Variants in CLCN2 observed in about 807,000 individuals in gnomAD.
CLCN2 encodes the protein chloride voltage-gated channel 2.
CLCN2 carries 72 observed loss-of-function variants against 108.3 expected under a neutral mutation model. The observed-to-expected ratio is 0.66, with a 90% CI of 0.55 to 0.81. The LOEUF (loss-of-function observed/expected upper bound fraction) is 0.81. Ranked by LOEUF, CLCN2 falls within the 30% of genes least tolerant of loss-of-function variation. CLCN2 has a pLI of 0.00. For synonymous variants in CLCN2, 471 were observed against 467.1 expected, an observed-to-expected ratio of 1.01 and a Z score of -0.11; for missense variants, 1,048 against 1,205.2, an observed-to-expected ratio of 0.87 and a Z score of 1.93.
At position 184,347,034 on chromosome 3, in the gene CLCN2, G is replaced by A. The variant is rs1293391157; in HGVS notation, c.2416-13C>T. 1.2e-6 allele frequency: 2 copies of A among 1,609,276 alleles called. No individual in the cohort carries two copies. The highest frequency in any genetic ancestry group is 2.7e-5 in the African/African-American group (2 of 74,786). On this transcript the variant is annotated splice_polypyrimidine_tract_variant and intron_variant, in intron 22 of 23. Coordinates refer to ENST00000265593, the MANE Select transcript of CLCN2 (RefSeq NM_004366.6). ...AGATAGTGTGAGTCTGCAGTGTGGG[G>A]AGAAAAGCGATTGGACTTGATGGAC...
Position 184,357,274 on chromosome 3 carries a change from G to T in CLCN2, c.899-8C>A. 2 of 1,614,006 alleles carry T rather than the reference G, an allele frequency of 1.2e-6. No individual in the cohort carries two copies. Among genetic ancestry groups the T allele is most frequent in the Non-Finnish European group, 1.7e-6 (2 of 1,179,982 alleles). ...AGAGGGCTGTAATAGTCTCTAAAGG[G>T]AAGAACAGCAGAGGGAGGCAGGCCT... On this transcript the variant is annotated splice_region_variant and splice_polypyrimidine_tract_variant and intron_variant, in intron 8 of 23. Coordinates refer to ENST00000265593, the MANE Select transcript of CLCN2 (RefSeq NM_004366.6).
At chr3:184,352,961 G>A in intron 18 of CLCN2, 72 bp downstream of exon 18, 1 of 1,532,214 alleles carries the variant, frequency 6.5e-7, no homozygotes, top group Non-Finnish European at 9.0e-7. Context: ...CCAGCAACAG[G>A]GCTGGGCAGG....
Position 184,358,997 on chromosome 3 carries a change from C to A in CLCN2, c.198G>T (p.Arg66=), listed in dbSNP as rs752368596. The A allele has an allele frequency of 1.9e-6, 3 of 1,613,628 alleles. No homozygotes were observed. The highest frequency in any genetic ancestry group is 2.5e-6 in the Non-Finnish European group (3 of 1,180,038). ...CACCGCGGCATCGGGCGCAACGGCT[C>A]CGTCCATATTCCAAGAGCTCTGGGG... ...RAAPELLEYG[R]SRCARCRVCS... The change falls in exon 2 of 24, where the codon CGG becomes CGT. Residue 66 remains arginine, a synonymous_variant. Transcript: ENST00000265593.
Position 184,355,847 on chromosome 3 carries a change from G to T in CLCN2, c.1086-69C>A. On this transcript the variant is annotated intron_variant, in intron 10 of 23. Transcript: ENST00000265593. The surrounding 1 kb of genome is among the most constrained non-coding windows in gnomAD (Gnocchi z 6.3). ...GGGTGGCCTCGCATATCTCAGGGCT[G>T]AGGTCAGAGCAGAGCCTTGGCTCTT... The T allele has an allele frequency of 7.9e-7, 1 of 1,260,858 alleles. No individual in the cohort carries two copies. Among genetic ancestry groups the T allele is most frequent in the Non-Finnish European group, 1.2e-6 (1 of 867,876 alleles). The allele number at this position is 1,260,858 out of a possible 1,614,324, so 78.1% of individuals were successfully genotyped here.
chr3:184,354,664 G>A lies in CLCN2; in HGVS notation c.1397-6C>T, dbSNP rs767026496. The A allele has an allele frequency of 1.3e-6, 2 of 1,514,740 alleles. No individual in the cohort carries two copies. The highest frequency in any genetic ancestry group is 8.9e-7 in the Non-Finnish European group (1 of 1,117,976). The allele number at this position is 1,514,740 out of a possible 1,614,324, so 93.8% of individuals were successfully genotyped here. On this transcript the variant is annotated splice_polypyrimidine_tract_variant and splice_region_variant and intron_variant, in intron 13 of 23. Coordinates refer to ENST00000265593, the MANE Select transcript of CLCN2 (RefSeq NM_004366.6). ...CAGACGCCCAAATGCTGCTCCTTCA[G>A]GGAGGGGGGTGGGAAGAGAAAGAGG...
intron 3 of CLCN2, 121 bp downstream of exon 3, chr3:184,358,561 C>T: frequency 7.3e-7 from 1 of 1,375,682 alleles, no homozygotes. Context: ...GGCAGTCAGA[C>T]TGGCTGGGGA....
At chr3:184,360,830 A>C (rs1198089839) in intron 1 of CLCN2, among the ~76,000 whole-genome samples, 3 of 152,148 alleles carry the variant, frequency 2.0e-5, no homozygotes, top group Admixed American at 2.0e-4. Context: ...CCCAATTCCC[A>C]CACCCATTCC....
In CLCN2 at chr3:184,361,286, C is replaced by G. The variant is rs1038675552; in HGVS notation, c.63+131G>C. 4 of 1,023,944 alleles carry G rather than the reference C, an allele frequency of 3.9e-6. No individual in the cohort carries two copies. Among genetic ancestry groups the G allele is most frequent in the Non-Finnish European group, 6.1e-6 (4 of 658,988 alleles). 63.4% of individuals were successfully genotyped at this position (1,023,944 alleles called of 1,614,324 possible). On this transcript the variant is annotated intron_variant, in intron 1 of 23. Transcript: ENST00000265593. This position sits in a 1 kb window ranked among gnomAD's most constrained non-coding sequence, Gnocchi z 6.6. ...CTTCGGCCCTGCAGCCTCAGACTTC[C>G]AAGCCTCAGTTTCCCCAGCTCAAAA...
Position 184,357,618 on chromosome 3 carries a change from A to G in CLCN2, c.772+2T>C. ...CTGGACTGACCTAGGAGCCCTGCCTACCTCCAATAGGTGCCGCGAAGCAGC... is the reference window on the plus strand; with the variant it reads ...CTGGACTGACCTAGGAGCCCTGCCTGCCTCCAATAGGTGCCGCGAAGCAGC... On this transcript the variant is annotated splice_donor_variant, in intron 7 of 23. Transcript: ENST00000265593. LOFTEE classifies it high-confidence loss of function. 6.2e-7 allele frequency: 1 copy of G among 1,613,908 alleles called. No individual in the cohort carries two copies. Among genetic ancestry groups the G allele is most frequent in the Non-Finnish European group, 8.5e-7 (1 of 1,180,006 alleles).
Position 184,354,241 on chromosome 3 carries a change from C to G in CLCN2, c.1581G>C (p.Gln527His), listed in dbSNP as rs1210243477. The change falls in exon 15 of 24, where the codon CAG becomes CAC. Residue 527 changes from glutamine to histidine, a missense_variant. By Grantham distance (24) the Gln-to-His change is conservative (BLOSUM62 0). Coordinates refer to ENST00000265593, the MANE Select transcript of CLCN2 (RefSeq NM_004366.6). ...TAVIVFELTG[Q>H]IAHILPVMIA... ...TCATGACAGGCAGGATGTGGGCAATCTGGCCTGTGAGCTCGAACACGATCA... is the reference window on the plus strand; with the variant it reads ...TCATGACAGGCAGGATGTGGGCAATGTGGCCTGTGAGCTCGAACACGATCA... 1 of 1,613,242 alleles carries G rather than the reference C, an allele frequency of 6.2e-7. No homozygotes were observed. The highest frequency in any genetic ancestry group is 1.3e-5 in the African/African-American group (1 of 74,924).
intron 13 of CLCN2, 80 bp from the exon 14 acceptor site, chr3:184,354,738 G>T: frequency 1.5e-6 from 2 of 1,354,474 alleles, no homozygotes; most frequent in Non-Finnish European, 2.1e-6. Flanking sequence ...GGGTCAGAGG[G>T]TGAGGGAGGG....
intron 18 of CLCN2, 60 bp from the exon 19 acceptor site, chr3:184,352,870 A>G: frequency 1.3e-6 from 2 of 1,597,336 alleles, no homozygotes; most frequent in Non-Finnish European, 1.7e-6. Context: ...GAGGACCAGG[A>G]AAGGTAAGGA....
chr3:184,353,568 G>T, intron 16 of CLCN2, 94 bp downstream of exon 16: 1 of 1,575,728 alleles, frequency 6.3e-7, no homozygotes, highest in Non-Finnish European at 8.6e-7. Flanking sequence ...CATTCCCTTT[G>T]GAACCAAGGA....
intron 14 of CLCN2, 55 bp downstream of exon 14, chr3:184,354,493 G>C: frequency 6.8e-7 from 1 of 1,476,224 alleles, no homozygotes; most frequent in African/African-American, 1.4e-5. Flanking sequence ...CGGACCCTGT[G>C]GCTGGGGCGT....
intron 10 of CLCN2, chr3:184,356,639 C>CAAA (rs555983047): frequency 5.6e-4 from 65 of 115,392 alleles, no homozygotes; most frequent in East Asian, 1.3e-3. Flanking sequence ...AACTCCGTCT[C>CAAA]AAAAAAAAAA....
intron 3 of CLCN2, 27 bp from the exon 4 acceptor site, chr3:184,358,337 C>G: frequency 6.2e-7 from 1 of 1,612,904 alleles, no homozygotes; most frequent in East Asian, 2.2e-5. Context: ...TGCTGGACCC[C>G]CAGTGCACAC....
At position 184,351,873 on chromosome 3, in the gene CLCN2, T is replaced by TA. The variant is rs573178856; in HGVS notation, c.2415+139dup. The TA allele has an allele frequency of 1.2e-4, 94 of 754,878 alleles. No individual in the cohort carries two copies. In the East Asian group the frequency reaches 1.7e-3, roughly 14 times the overall value. The allele number at this position is 754,878 out of a possible 1,614,324, so 46.8% of individuals were successfully genotyped here. On this transcript the variant is annotated intron_variant, in intron 22 of 23. Coordinates refer to ENST00000265593, the MANE Select transcript of CLCN2 (RefSeq NM_004366.6). The stretch of plus-strand genomic sequence containing the variant: ...CCTCCCATCATCCAAGCAGTATGTC[T>TA]AAAAAACATCTCCGCACTGAGCCAA...
chr3:184,352,562 G>T, intron 19 of CLCN2, 66 bp from the exon 20 acceptor site: 1 of 1,556,646 alleles, frequency 6.4e-7, no homozygotes, highest in East Asian at 2.3e-5. Context: ...GGGGAGGTGA[G>T]GGGAAGTGGT....
chr3:184,353,815 C>G lies in CLCN2; in HGVS notation c.1722-20G>C. 6.2e-7 allele frequency: 1 copy of G among 1,600,994 alleles called. No homozygotes were observed. The highest frequency in any genetic ancestry group is 8.5e-7 in the Non-Finnish European group (1 of 1,174,696). On this transcript the variant is annotated intron_variant, in intron 15 of 23. Transcript: ENST00000265593. ...TACTGCCTGGGGGCCGAGAGAGGCG[C>G]TTGGTTTGTGGTCAGCATGGGGAGA... is the stretch of plus-strand genomic sequence containing the variant.
Sources: allele counts gnomAD v4.1 joint callset (sites outside exome capture counted in the v4.1 genomes callset), GRCh38; gene constraint gnomAD v4.1.1; non-coding constraint Gnocchi (gnomAD v3.1); transcripts MANE v1.5; gene names NCBI Gene and HGNC (gene_info 2026-07-23, HGNC 2026-07-21).